Variants in TCF12 observed in about 807,000 individuals in gnomAD.
The protein encoded by TCF12 is transcription factor 12, also known as DNA-binding protein HTF4.
Under a neutral mutation model 86.0 loss-of-function variants are expected in TCF12, and 45 were observed. The ratio of observed to expected loss-of-function variants is 0.52; its 90% CI spans 0.41 to 0.67. The LOEUF (loss-of-function observed/expected upper bound fraction) is 0.67, where lower values mean the gene tolerates loss of function less well. Among genes scored for constraint, TCF12 ranks in the 30% least tolerant of loss-of-function variants. The probability of loss-of-function intolerance (pLI) is 0.00; values close to 1 mark genes in which losing one functional copy is unlikely to be tolerated. For synonymous variants in TCF12, 330 were observed against 299.6 expected, an observed-to-expected ratio of 1.10 and a Z score of -1.05; for missense variants, 881 against 859.9, an observed-to-expected ratio of 1.02 and a Z score of -0.31.
At chr15:57,113,748 T>G (rs1162548393) in intron 5 of TCF12, among the ~76,000 whole-genome samples, 2 of 145,004 alleles carry the variant, frequency 1.4e-5, no homozygotes, top group Non-Finnish European at 3.0e-5. Context: ...AAGACCAGCT[T>G]GGACAAAATA....
intron 5 of TCF12, among the ~76,000 whole-genome samples, chr15:57,140,433 T>A (rs2052875180): frequency 6.6e-6 from 1 of 152,212 alleles, no homozygotes; most frequent in Non-Finnish European, 1.5e-5. Context: ...CCAACAACCC[T>A]TGAGTATTTT....
chr15:57,134,893 T>C (rs2088001888), intron 5 of TCF12, among the ~76,000 whole-genome samples: 1 of 152,030 alleles, frequency 6.6e-6, no homozygotes, highest in Non-Finnish European at 1.5e-5. Context: ...TTGTGTTTTT[T>C]TTTTTTTGAA....
At chr15:57,264,052 T>TA (rs2060716002) in intron 18 of TCF12, among the ~76,000 whole-genome samples, 1 of 152,082 alleles carries the variant, frequency 6.6e-6, no homozygotes, top group South Asian at 2.1e-4. Flanking sequence ...TCTTCAATAG[T>TA]AAATTAACCT....
chr15:56,961,571 A>G (rs2061755826), intron 3 of TCF12, among the ~76,000 whole-genome samples: 1 of 152,216 alleles, frequency 6.6e-6, no homozygotes, highest in Non-Finnish European at 1.5e-5. Context: ...ATAACTGCCT[A>G]TGAAAACTTC....
intron 6 of TCF12, among the ~76,000 whole-genome samples, chr15:57,181,106 G>A (rs919866390): frequency 1.3e-5 from 2 of 151,912 alleles, no homozygotes; most frequent in Admixed American, 6.6e-5. Context: ...GAGCCACCAC[G>A]CCTGGCCGAT....
chr15:56,925,255 C>G (rs1206568527), intron 3 of TCF12, among the ~76,000 whole-genome samples: 4 of 146,708 alleles, frequency 2.7e-5, no homozygotes, highest in Non-Finnish European at 6.0e-5. Flanking sequence ...CCCACCCCCC[C>G]GCCCCAACCC....
intron 3 of TCF12, among the ~76,000 whole-genome samples, chr15:56,931,043 C>G (rs959066276): frequency 2.0e-5 from 3 of 152,098 alleles, no homozygotes; most frequent in Admixed American, 2.0e-4. Context: ...AGATCTGTCT[C>G]TCTCTCTCTC....
At chr15:57,203,592 A>G (rs186940989) in intron 8 of TCF12, among the ~76,000 whole-genome samples, 14 of 152,340 alleles carry the variant, frequency 9.2e-5, no homozygotes, top group African/African-American at 3.1e-4. Context: ...GACGTGTCTT[A>G]CAAGTTTTGA....
At chr15:57,021,224 A>C (rs76036137) in intron 3 of TCF12, among the ~76,000 whole-genome samples, 1,634 of 152,290 alleles carry the variant, frequency 0.011, 14 homozygotes, top group Middle Eastern at 0.027. Context: ...TCAAGAGAGG[A>C]CATGGGACCA....
At chr15:57,117,675 T>C (rs921290208) in intron 5 of TCF12, among the ~76,000 whole-genome samples, 1 of 152,206 alleles carries the variant, frequency 6.6e-6, no homozygotes, top group African/African-American at 2.4e-5. Flanking sequence ...ACCTGGCACA[T>C]TGATAGTACT....
At chr15:57,233,926 A>G (rs1472985419) in intron 11 of TCF12, 117 bp from the exon 12 acceptor site, 2 of 763,358 alleles carry the variant, frequency 2.6e-6, no homozygotes, top group Admixed American at 2.0e-5. Context: ...AGTATTTCCT[A>G]GTTTACTGTA....
intron 4 of TCF12, among the ~76,000 whole-genome samples, chr15:57,066,468 AATTT>A (rs1371693601): frequency 6.6e-6 from 1 of 152,150 alleles, no homozygotes; most frequent in East Asian, 1.9e-4. Flanking sequence ...AAGTAAATGA[AATTT>A]ATTTAGACTT....
At chr15:57,041,285 C>T (rs1309947366) in intron 3 of TCF12, among the ~76,000 whole-genome samples, 1 of 152,076 alleles carries the variant, frequency 6.6e-6, no homozygotes, top group African/African-American at 2.4e-5. Context: ...GCTTTTAGTA[C>T]GTTAAAATTG....
At chr15:57,206,565 C>T (rs2057819644) in intron 8 of TCF12, among the ~76,000 whole-genome samples, 1 of 148,982 alleles carries the variant, frequency 6.7e-6, no homozygotes, top group Admixed American at 6.7e-5. Flanking sequence ...TTATTAAGAT[C>T]CACTACCTTG....
chr15:56,967,673 T>C (rs894169948), intron 3 of TCF12, among the ~76,000 whole-genome samples: 3 of 152,214 alleles, frequency 2.0e-5, no homozygotes, highest in African/African-American at 7.2e-5. Context: ...TGGGACTTGT[T>C]CTGGTTTCAA....
rs115370883 is a variant in TCF12, at chr15:57,274,625, G to C, written c.1978+1363G>C. Reference sequence around the variant, plus strand: ...AATTGTGTCTGACACCCTTTGTCTCGCTCTGAAGGCAGCAAGGCACCTATG... The same window carrying C: ...AATTGTGTCTGACACCCTTTGTCTCCCTCTGAAGGCAGCAAGGCACCTATG... On this transcript the variant is annotated intron_variant, in intron 19 of 20. Transcript: ENST00000333725. Among the ~76,000 whole-genome samples the C allele has an allele frequency of 7.4e-3, 1,128 of 151,958 alleles. 13 individuals are homozygous for C. The highest frequency in any genetic ancestry group is 0.025 in the African/African-American group (1,046 of 41,430).
At chr15:57,031,641 T>C (rs1420639288) in intron 3 of TCF12, among the ~76,000 whole-genome samples, 2 of 152,160 alleles carry the variant, frequency 1.3e-5, no homozygotes, top group African/African-American at 2.4e-5. Context: ...TGCAGGCAGA[T>C]AGAGAAAGAA....
At chr15:57,282,410 A>T in intron 19 of TCF12, 35 bp from the exon 20 acceptor site, 2 of 1,613,674 alleles carry the variant, frequency 1.2e-6, no homozygotes, top group Non-Finnish European at 1.7e-6. Flanking sequence ...ATAACTTAAA[A>T]CCATAGTGAT....
At chr15:56,952,704 T>C (rs367776300) in intron 3 of TCF12, among the ~76,000 whole-genome samples, 5 of 152,184 alleles carry the variant, frequency 3.3e-5, no homozygotes, top group South Asian at 2.1e-4. Flanking sequence ...AATACAATTT[T>C]ATATAGCGAC....
Sources: allele counts gnomAD v4.1 joint callset (sites outside exome capture counted in the v4.1 genomes callset), GRCh38; gene constraint gnomAD v4.1.1; transcripts MANE v1.5; gene names NCBI Gene and HGNC (gene_info 2026-07-23, HGNC 2026-07-21).